The following KSR2 variants were observed in gnomAD, a reference collection of about 807,000 sequenced individuals.
The protein encoded by KSR2 is kinase suppressor of ras 2.
In KSR2, 25 loss-of-function variants were observed where a neutral mutation model predicts 107.8. The ratio of observed to expected loss-of-function variants is 0.23; its 90% confidence interval spans 0.17 to 0.32. KSR2 has a LOEUF of 0.32. Among genes scored for constraint, KSR2 ranks in the 10% least tolerant of loss-of-function variants. KSR2 has a pLI of 1.00. For synonymous variants in KSR2, 480 were observed against 507.0 expected (o/e 0.95, Z 0.71); for missense variants, 887 against 1,268.9 (o/e 0.70, Z 4.57).
chr12:117,730,822 C>T (rs1157743364), intron 4 of KSR2, among the ~76,000 whole-genome samples: 2 of 152,332 alleles, frequency 1.3e-5, no homozygotes, highest in East Asian at 3.9e-4. Flanking sequence ...CAATGTTGCC[C>T]AGGCTGGAGT....
intron 5 of KSR2, among the ~76,000 whole-genome samples, chr12:117,648,563 G>A (rs1396315615): frequency 6.6e-6 from 1 of 152,234 alleles, no homozygotes; most frequent in Non-Finnish European, 1.5e-5. Context: ...CCTTTACAGA[G>A]CACAGTCTTG....
chr12:117,919,877 GT>G (rs1157727564), intron 1 of KSR2, among the ~76,000 whole-genome samples: 1 of 152,196 alleles, frequency 6.6e-6, no homozygotes, highest in Non-Finnish European at 1.5e-5. Flanking sequence ...ATAAACTTTT[GT>G]TATGTTAAGC....
intron 5 of KSR2, among the ~76,000 whole-genome samples, chr12:117,651,172 T>C (rs1227373038): frequency 6.6e-6 from 1 of 152,204 alleles, no homozygotes; most frequent in Non-Finnish European, 1.5e-5. Context: ...CCCCAACCCA[T>C]GCTGCCATCA....
intron 3 of KSR2, among the ~76,000 whole-genome samples, chr12:117,830,409 T>A (rs1234922737): frequency 3.3e-5 from 5 of 152,178 alleles, no homozygotes; most frequent in African/African-American, 9.7e-5. Flanking sequence ...CTACGCTCAC[T>A]ACCTGGGTGA....
intron 7 of KSR2, among the ~76,000 whole-genome samples, chr12:117,564,760 A>G (rs1246308004): frequency 6.6e-6 from 1 of 152,142 alleles, no homozygotes; most frequent in Non-Finnish European, 1.5e-5. Context: ...TCTGGTGGGT[A>G]AGTATCAGAG....
At chr12:117,615,059 C>T (rs1277253865) in intron 5 of KSR2, among the ~76,000 whole-genome samples, 1 of 151,986 alleles carries the variant, frequency 6.6e-6, no homozygotes. Flanking sequence ...CTGGAGATAT[C>T]CAGGGTACCC....
chr12:117,593,411 G>A (rs1012749214), intron 5 of KSR2, among the ~76,000 whole-genome samples: 1 of 152,210 alleles, frequency 6.6e-6, no homozygotes, highest in East Asian at 1.9e-4. Context: ...TGGGAGACAC[G>A]CAGACCACAG....
Position 117,968,029 on chromosome 12 carries a change from CTTTTTTTTTTTT to C in KSR2, c.180+35_180+46del, listed in dbSNP as rs34834989. The C allele has an allele frequency of 4.8e-3, 3,228 of 677,314 alleles. 7 individuals carry two copies. Among genetic ancestry groups the C allele is most frequent in the South Asian group, 5.4e-3 (308 of 57,228 alleles). 42.0% of individuals were successfully genotyped at this position (677,314 alleles called of 1,614,324 possible). A position where few individuals can be genotyped will look rare whatever the true frequency, so the allele number is the denominator to read the frequency against. ...AGAAAGGAGGGGGAAAGAAGGATTG[CTTTTTTTTTTTT>C]TTTTTTTTTTTTTTTTCCCGTAGGC... On this transcript the variant is annotated intron_variant, in intron 1 of 19. Transcript: ENST00000339824.
At chr12:117,545,576 A>T (rs1293232687) in intron 9 of KSR2, among the ~76,000 whole-genome samples, 1 of 152,218 alleles carries the variant, frequency 6.6e-6, no homozygotes, top group Admixed American at 6.5e-5. Flanking sequence ...TAAAATGTAT[A>T]TGTGTAGCAT....
chr12:117,799,718 C>T (rs1278679323), intron 3 of KSR2, among the ~76,000 whole-genome samples: 2 of 152,144 alleles, frequency 1.3e-5, no homozygotes, highest in African/African-American at 4.8e-5. Context: ...CTCTTAACAT[C>T]TCTGAGCCTG....
At chr12:117,758,311 G>A (rs771287477) in intron 4 of KSR2, among the ~76,000 whole-genome samples, 8 of 152,174 alleles carry the variant, frequency 5.3e-5, no homozygotes, top group Admixed American at 3.3e-4. Flanking sequence ...CATGACCCCC[G>A]CTGCCAACAT....
intron 4 of KSR2, among the ~76,000 whole-genome samples, chr12:117,741,198 A>T (rs1888205409): frequency 6.6e-6 from 1 of 152,104 alleles, no homozygotes; most frequent in African/African-American, 2.4e-5. Flanking sequence ...TATTGAATGA[A>T]ATAAGAATCT....
chr12:117,645,682 A>G (rs1188242715), intron 5 of KSR2, among the ~76,000 whole-genome samples: 1 of 152,132 alleles, frequency 6.6e-6, no homozygotes, highest in East Asian at 1.9e-4. Context: ...AGGGGCTGTG[A>G]TGGAACAGTG....
At chr12:117,531,562 A>G (rs946259451) in intron 11 of KSR2, 104 bp downstream of exon 11, 13 of 973,186 alleles carry the variant, frequency 1.3e-5, no homozygotes, top group Non-Finnish European at 2.1e-5. Context: ...ACCCTCTTTG[A>G]TCTTAGGCAC....
intron 4 of KSR2, among the ~76,000 whole-genome samples, chr12:117,726,419 T>C (rs1565981268): frequency 6.6e-6 from 1 of 152,102 alleles, no homozygotes; most frequent in East Asian, 1.9e-4. Context: ...AGCAAGGAGA[T>C]AGGGCGGGAT....
chr12:117,650,433 C>T (rs1307531177), intron 5 of KSR2, among the ~76,000 whole-genome samples: 1 of 152,076 alleles, frequency 6.6e-6, no homozygotes, highest in Admixed American at 6.5e-5. Context: ...TCTAAGAGAA[C>T]CCTGACTAAT....
Position 117,968,508 on chromosome 12 carries a change from C to G in KSR2, c.-253G>C. 1 of 1,254,532 alleles carries G rather than the reference C, an allele frequency of 8.0e-7. No homozygotes were observed. The highest frequency in any genetic ancestry group is 1.0e-6 in the Non-Finnish European group (1 of 1,004,164). The allele number at this position is 1,254,532 out of a possible 1,614,324, so 77.7% of individuals were successfully genotyped here. On this transcript the variant is annotated 5_prime_UTR_variant, in exon 1 of 20. Transcript: ENST00000339824. ...GAATGTCTCCTCTCTCTCTGAGTCT[C>G]TGGTCCCTGAAAAGGAGAGATGCTG...
Position 117,461,896 on chromosome 12 carries a change from T to A in KSR2, c.*5303A>T, listed in dbSNP as rs907978775. 6.6e-5 allele frequency: 10 copies of A among 152,174 alleles called. No individual in the cohort carries two copies. The highest frequency in any genetic ancestry group is 6.5e-4 in the Admixed American group (10 of 15,270). 9.4% of individuals were successfully genotyped at this position (152,174 alleles called of 1,614,324 possible). A position where few individuals can be genotyped will look rare whatever the true frequency, so the allele number is the denominator to read the frequency against. ...TCATCAAAATCCACTCCTTTGTCAA[T>A]GAACAAGAGTATAGATAAAATCAGA... On this transcript the variant is annotated 3_prime_UTR_variant, in exon 20 of 20. Transcript: ENST00000339824.
At chr12:117,523,216 T>G (rs1874877948) in intron 14 of KSR2, among the ~76,000 whole-genome samples, 1 of 152,280 alleles carries the variant, frequency 6.6e-6, no homozygotes, top group Middle Eastern at 3.4e-3. Context: ...TTAAGAAGGT[T>G]TTGTCTCACA....
Sources: gnomAD v4.1 joint callset for allele counts (sites outside exome capture counted in the v4.1 genomes callset) on GRCh38, gnomAD v4.1.1 for gene constraint, MANE v1.5 for transcripts, NCBI Gene and HGNC (gene_info 2026-07-23, HGNC 2026-07-21) for gene names.